The following DELE1 variants were observed in gnomAD, a reference collection of about 807,000 sequenced individuals.
DELE1 encodes DAP3 binding cell death enhancer 1, also known as death ligand signal enhancer.
In DELE1, 54 loss-of-function variants were observed where a neutral mutation model predicts 59.3. That is an observed-to-expected ratio of 0.91 (90% CI 0.73 to 1.14). DELE1 has a LOEUF of 1.14. Among genes scored for constraint, DELE1 ranks in the 50% most tolerant of loss-of-function variants. DELE1 has a pLI of 0.00. For synonymous variants in DELE1, 264 were observed against 259.1 expected (o/e 1.02, Z -0.18); for missense variants, 636 against 643.9 (o/e 0.99, Z 0.13).
chr5:141,924,755 T>A lies in DELE1; in HGVS notation c.146+60T>A, dbSNP rs1383942324. The A allele has an allele frequency of 8.4e-5, 96 of 1,139,734 alleles. 1 individual carries two copies. Among genetic ancestry groups the A allele is most frequent in the Middle Eastern group, 3.9e-4 (2 of 5,086 alleles). 70.6% of individuals were successfully genotyped at this position (1,139,734 alleles called of 1,614,324 possible). A position where few individuals can be genotyped will look rare whatever the true frequency, so the allele number is the denominator to read the frequency against. On this transcript the variant is annotated intron_variant, in intron 2 of 11. Coordinates refer to ENST00000432126, the MANE Select transcript of DELE1 (RefSeq NM_014773.5). ...CCTAGTCACCCTTTTTTTTTATTTT[T>A]TTTTTTTTGTTGTTTTTTGAGATGG... is the stretch of plus-strand genomic sequence containing the variant.
In DELE1 at chr5:141,930,383, T is replaced by A. The variant is rs1324869530; in HGVS notation, c.754+109T>A. On this transcript the variant is annotated intron_variant, in intron 7 of 11. Coordinates refer to ENST00000432126, the MANE Select transcript of DELE1 (RefSeq NM_014773.5). ...AGTGGCTTAAACGAGAGATTTTATT[T>A]TCTCCCAGGTAGGTAGACCAAATCT... is the stretch of plus-strand genomic sequence containing the variant. The A allele has an allele frequency of 6.5e-6, 5 of 773,490 alleles. No individual in the cohort carries two copies. In the East Asian group the frequency reaches 7.8e-5, roughly 12 times the overall value. The allele number at this position is 773,490 out of a possible 1,614,324, so 47.9% of individuals were successfully genotyped here. A position where few individuals can be genotyped will look rare whatever the true frequency, so the allele number is the denominator to read the frequency against.
In DELE1 at chr5:141,930,238, T is replaced by C. The variant is rs1326330730; in HGVS notation, c.718T>C (p.Phe240Leu). ...EEAVTSIQQL[F>L]QLSVSIAFNF... Reference sequence around the variant, plus strand: ...GGCTGTGACTTCCATTCAGCAGCTCTTCCAGCTCAGTGTTTCCATCGCTTT... The same window carrying C: ...GGCTGTGACTTCCATTCAGCAGCTCCTCCAGCTCAGTGTTTCCATCGCTTT... Residue 240 changes from phenylalanine to leucine, a missense_variant, in exon 7 of 12, where the codon TTC (phenylalanine) becomes CTC (leucine). Physicochemically the swap from Phe to Leu is conservative, Grantham distance 22. Transcript: ENST00000432126. 6.2e-7 allele frequency: 1 copy of C among 1,613,772 alleles called. No individual in the cohort carries two copies. The highest frequency in any genetic ancestry group is 2.2e-5 in the East Asian group (1 of 44,904).
intron 4 of DELE1, 72 bp from the exon 5 acceptor site, chr5:141,929,510 A>T: frequency 6.5e-7 from 1 of 1,534,816 alleles, no homozygotes; most frequent in South Asian, 1.2e-5. Context: ...TCGGCCTCCC[A>T]AGGTGCTGTG....
At chr5:141,934,145 TA>T (rs1324290690) in intron 8 of DELE1, 94 bp from the exon 9 acceptor site, 3 of 999,252 alleles carry the variant, frequency 3.0e-6, no homozygotes, top group Non-Finnish European at 4.2e-6. Flanking sequence ...AATTATTATG[TA>T]TTAGTTAATT....
chr5:141,934,559 A>G lies in DELE1; in HGVS notation c.1122A>G (p.Lys374=), dbSNP rs1185560344. The G allele has an allele frequency of 1.2e-6, 2 of 1,614,130 alleles. No homozygotes were observed. The highest frequency in any genetic ancestry group is 1.7e-6 in the Non-Finnish European group (2 of 1,180,052). The change falls in exon 10 of 12, where the codon AAA becomes AAG. Residue 374 remains lysine (K), a synonymous_variant. Transcript: ENST00000432126. ...EPYLDEQRAV[K]YLWLAANNGD... ...ACCTGGATGAGCAGAGAGCTGTGAAATATCTTTGGCTTGCAGCCAACAATG... is the reference window on the plus strand; with the variant it reads ...ACCTGGATGAGCAGAGAGCTGTGAAGTATCTTTGGCTTGCAGCCAACAATG...
At position 141,933,382 on chromosome 5, in the gene DELE1, C is replaced by T. The variant is rs1364617546; in HGVS notation, c.878C>T (p.Thr293Ile). The T allele has an allele frequency of 2.0e-6, 3 of 1,505,030 alleles. No individual in the cohort carries two copies. The highest frequency in any genetic ancestry group is 2.4e-5 in the East Asian group (1 of 41,094). The allele number at this position is 1,505,030 out of a possible 1,614,324, so 93.2% of individuals were successfully genotyped here. ...AGLCHEHGRG[T>I]PRDISKAVLY... ...TTGTGTCATGAGCATGGCAGAGGCA[C>T]CCCCAGGGACATTAGCAAGGTATTC... Residue 293 changes from threonine to isoleucine, a missense_variant, in exon 8 of 12, where the codon ACC (threonine) becomes ATC (isoleucine). Coordinates refer to ENST00000432126, the MANE Select transcript of DELE1 (RefSeq NM_014773.5).
chr5:141,934,669 T>C (rs1392832769), intron 10 of DELE1, 83 bp downstream of exon 10: 1 of 1,313,458 alleles, frequency 7.6e-7, no homozygotes, highest in Admixed American at 1.7e-5. Flanking sequence ...AGTTCTTCTG[T>C]GCTTAGGAGA....
At chr5:141,926,344 C>G (rs575388352) in intron 3 of DELE1, among the ~76,000 whole-genome samples, 1 of 152,156 alleles carries the variant, frequency 6.6e-6, no homozygotes, top group Non-Finnish European at 1.5e-5. Flanking sequence ...GTGGAGGAGC[C>G]AGATTTAACT....
At position 141,937,210 on chromosome 5, in the gene DELE1, A is replaced by G. The variant is rs753271979; in HGVS notation, c.1162A>G (p.Arg388Gly). Residue 388 changes from arginine to glycine, a missense_variant, in exon 11 of 12, where the codon AGG becomes GGG. Transcript: ENST00000432126. Reference protein sequence around the residue: ...LAANNGDSQSRYHLGICYEKG... With the variant: ...LAANNGDSQSGYHLGICYEKG... ...ATTTTCTCCTTAGGACTCACAGAGC[A>G]GGTACCACCTTGGAATTTGCTATGA... The G allele has an allele frequency of 4.3e-6, 7 of 1,614,206 alleles. No individual in the cohort carries two copies. The highest frequency in any genetic ancestry group is 1.1e-5 in the South Asian group (1 of 91,088).
intron 7 of DELE1, among the ~76,000 whole-genome samples, chr5:141,932,669 T>G (rs1409010136): frequency 6.6e-6 from 1 of 152,192 alleles, no homozygotes; most frequent in Non-Finnish European, 1.5e-5. Context: ...GCACATTGAT[T>G]GACAGCACTA....
rs1751144237 is a variant in DELE1 at position 141,923,967 on chromosome 5, G to A, written c.26G>A (p.Gly9Asp). ...ATGTGGCGCCTCCCGGGACTCCTGG[G>A]CCGAGGTAAGGGACGTCCAAGCAAC... MWRLPGLL[G>D]RALPRTLGPS... Residue 9 changes from glycine to aspartate, a missense_variant, in exon 1 of 12, where the codon GGC (glycine) becomes GAC (aspartate). Gly to Asp is a moderately conservative substitution (Grantham distance 94). Coordinates refer to ENST00000432126, the MANE Select transcript of DELE1 (RefSeq NM_014773.5). The A allele has an allele frequency of 6.2e-7, 1 of 1,610,014 alleles. No individual in the cohort carries two copies. Among genetic ancestry groups the A allele is most frequent in the Non-Finnish European group, 8.5e-7 (1 of 1,178,390 alleles).
rs368296718 is a variant in DELE1 at position 141,934,491 on chromosome 5, C to G, written c.1057-3C>G. On this transcript the variant is annotated splice_polypyrimidine_tract_variant and splice_region_variant and intron_variant, in intron 9 of 11. Transcript: ENST00000432126. ...CCTTCTTTTCCTTCCTCCTTGACCACAGGCCCAAGCTTTCCTCGGGGTGCT... is the reference window on the plus strand; with the variant it reads ...CCTTCTTTTCCTTCCTCCTTGACCAGAGGCCCAAGCTTTCCTCGGGGTGCT... 6.2e-7 allele frequency: 1 copy of G among 1,614,126 alleles called. No individual in the cohort carries two copies. Among genetic ancestry groups the G allele is most frequent in the African/African-American group, 1.3e-5 (1 of 74,952 alleles).
chr5:141,927,912 C>T (rs1389532417), intron 3 of DELE1, among the ~76,000 whole-genome samples: 4 of 151,674 alleles, frequency 2.6e-5, no homozygotes, highest in African/African-American at 9.8e-5. Flanking sequence ...ACACATGGTC[C>T]CTGCCCATGT....
chr5:141,932,329 C>T (rs6876299), intron 7 of DELE1, among the ~76,000 whole-genome samples: 11,783 of 152,194 alleles, frequency 0.077, 1,519 homozygotes, highest in African/African-American at 0.27. Flanking sequence ...GCATTCAGGT[C>T]TTGACACTGC....
At chr5:141,937,956 C>A (rs775966796) in intron 11 of DELE1, among the ~76,000 whole-genome samples, 71 of 151,400 alleles carry the variant, frequency 4.7e-4, no homozygotes, top group Non-Finnish European at 7.7e-4. Context: ...TCTCAAGTAG[C>A]TGGGATTACA....
Position 141,937,334 on chromosome 5 carries a change from C to T in DELE1, c.1286C>T (p.Ala429Val), listed in dbSNP as rs566201953. The change falls in exon 11 of 12, where the codon GCC (alanine) becomes GTC (valine). Residue 429 changes from alanine (A) to valine (V), a missense_variant. By Grantham distance (64) the Ala-to-Val change is moderately conservative. Transcript: ENST00000432126. ...GAGGCCGCCCAGGAGAGGCTGCGAG[C>T]CCTCTTTTCCATGGGGGCTGCAGGT... is the stretch of plus-strand genomic sequence containing the variant. ...GNEAAQERLRALFSMGAAAPG... is the reference protein window; with the variant it reads ...GNEAAQERLRVLFSMGAAAPG... 1 of 1,614,118 alleles carries T rather than the reference C, an allele frequency of 6.2e-7. No individual in the cohort carries two copies. Among genetic ancestry groups the T allele is most frequent in the South Asian group, 1.1e-5 (1 of 91,084 alleles).
intron 7 of DELE1, 105 bp downstream of exon 7, chr5:141,930,379 T>G: frequency 1.2e-6 from 1 of 804,120 alleles, no homozygotes; most frequent in South Asian, 1.7e-5. Context: ...CGAGAGATTT[T>G]ATTTTCTCCC....
rs748030111 is a variant in DELE1, at chr5:141,937,267, G to A, written c.1219G>A (p.Glu407Lys). 6 of 1,614,230 alleles carry A rather than the reference G, an allele frequency of 3.7e-6. No homozygotes were observed. The highest frequency in any genetic ancestry group is 5.1e-6 in the Non-Finnish European group (6 of 1,180,048). ...CCTTGGTGTGCAGAGGAATCTGGGA[G>A]AGGCCTTGAGATGTTACCAGCAGTC... Reference protein sequence around the residue: ...KGLGVQRNLGEALRCYQQSAA... With the variant: ...KGLGVQRNLGKALRCYQQSAA... The change falls in exon 11 of 12, where the codon GAG becomes AAG. Residue 407 changes from glutamate to lysine, a missense_variant. Physicochemically the swap from Glu to Lys is moderately conservative, Grantham distance 56. Coordinates refer to ENST00000432126, the MANE Select transcript of DELE1 (RefSeq NM_014773.5).
At chr5:141,934,080 A>G (rs555337446) in intron 8 of DELE1, among the ~76,000 whole-genome samples, 160 bp from the exon 9 acceptor site, 125 of 152,270 alleles carry the variant, frequency 8.2e-4, no homozygotes, top group African/African-American at 2.9e-3. Flanking sequence ...TTATGTTTCT[A>G]TTTTTGGTTT....
Sources: allele counts gnomAD v4.1 joint callset (sites outside exome capture counted in the v4.1 genomes callset), GRCh38; gene constraint gnomAD v4.1.1; transcripts MANE v1.5; gene names NCBI Gene and HGNC (gene_info 2026-07-23, HGNC 2026-07-21).